The following PCDHA2 variants were observed in gnomAD, a reference collection of about 807,000 sequenced individuals.
PCDHA2 encodes the protein protocadherin alpha-2.
A neutral mutation model predicts 66.0 loss-of-function variants in PCDHA2; 58 were observed. That is an observed-to-expected ratio of 0.88 (90% CI 0.71 to 1.09). PCDHA2 has a LOEUF of 1.09. Ranked by LOEUF, PCDHA2 falls within the 50% of genes least tolerant of loss-of-function variation. PCDHA2 has a pLI of 0.00. For synonymous variants in PCDHA2, 634 were observed against 554.0 expected, an observed-to-expected ratio of 1.14 and a Z score of -2.03; for missense variants, 1,267 against 1,242.3, an observed-to-expected ratio of 1.02 and a Z score of -0.30.
At chr5:140,849,820 C>A (rs2150451868) in intron 1 of PCDHA2, 1 of 1,598,424 alleles carries the variant, frequency 6.3e-7, no homozygotes, top group South Asian at 1.1e-5. Context: ...GCCAGGGTGT[C>A]TGTGGAGGTG....
intron 1 of PCDHA2, among the ~76,000 whole-genome samples, chr5:140,949,300 G>T (rs1373100269): frequency 1.3e-5 from 2 of 151,534 alleles, no homozygotes; most frequent in Non-Finnish European, 1.5e-5. Flanking sequence ...GTAATTGTTG[G>T]GTGTAATGAT....
Position 140,848,739 on chromosome 5 carries a change from G to A in PCDHA2, c.2388+51387G>A. On this transcript the variant is annotated intron_variant, in intron 1 of 3. Coordinates refer to ENST00000526136, the MANE Select transcript of PCDHA2 (RefSeq NM_018905.3). The stretch of plus-strand genomic sequence containing the variant: ...CCTTCTGGAGGTAAATCTGCAGAAT[G>A]GCATTTTGTTTGTGAATTCTCGGAT... The A allele has an allele frequency of 6.9e-6, 11 of 1,593,092 alleles. 1 individual carries two copies. The highest frequency in any genetic ancestry group is 9.5e-6 in the Non-Finnish European group (11 of 1,163,752).
At chr5:140,836,210 TG>T (rs1340323722) in intron 1 of PCDHA2, 1 of 1,613,654 alleles carries the variant, frequency 6.2e-7, no homozygotes, top group Admixed American at 1.7e-5. Context: ...GGCTTTCGTA[TG>T]AGTTGCAACC....
chr5:140,836,096 T>C (rs2150252750), intron 1 of PCDHA2: 1 of 1,613,590 alleles, frequency 6.2e-7, no homozygotes, highest in Non-Finnish European at 8.5e-7. Flanking sequence ...CTCGGGTGGG[T>C]GGCACTGGTG....
At chr5:140,963,523 A>T (rs2095769740) in intron 1 of PCDHA2, among the ~76,000 whole-genome samples, 1 of 152,218 alleles carries the variant, frequency 6.6e-6, no homozygotes. Flanking sequence ...CTCATAACAG[A>T]AGTCCCATTT....
intron 1 of PCDHA2, chr5:140,858,285 G>T: frequency 6.3e-7 from 1 of 1,597,520 alleles, no homozygotes; most frequent in Non-Finnish European, 8.6e-7. Flanking sequence ...GTGGGGAGCT[G>T]GTCTTACTCG....
intron 1 of PCDHA2, among the ~76,000 whole-genome samples, chr5:140,924,235 G>C (rs1320085802): frequency 6.6e-6 from 1 of 152,208 alleles, no homozygotes; most frequent in Non-Finnish European, 1.5e-5. Flanking sequence ...TTTATGGGCT[G>C]TTTTGCATCC....
At chr5:140,916,252 G>A (rs2077495466) in intron 1 of PCDHA2, among the ~76,000 whole-genome samples, 1 of 152,176 alleles carries the variant, frequency 6.6e-6, no homozygotes, top group Admixed American at 6.5e-5. Flanking sequence ...TGGACTTGGG[G>A]ACCCCAAGAG....
In PCDHA2 at chr5:140,950,041, A is replaced by G. The variant is rs139296187; in HGVS notation, c.2389-28908A>G. Among the ~76,000 whole-genome samples, 1,151 of 152,070 alleles carry G rather than the reference A, an allele frequency of 7.6e-3. 13 individuals carry two copies. The highest frequency in any genetic ancestry group is 0.01 in the Non-Finnish European group (711 of 67,812). On this transcript the variant is annotated intron_variant, in intron 1 of 3. Transcript: ENST00000526136. ...CATAAAATATAGAAAAGTTACAACC[A>G]TATAAGACTATTTAGCTCTTCCTGT... is the stretch of plus-strand genomic sequence containing the variant.
chr5:140,851,102 G>T (rs1439831567), intron 1 of PCDHA2: 1 of 1,288,512 alleles, frequency 7.8e-7, no homozygotes, highest in Non-Finnish European at 1.0e-6. Context: ...ATATTTTTTG[G>T]GTGCTGAATC....
chr5:140,856,231 C>G, intron 1 of PCDHA2: 1 of 1,597,900 alleles, frequency 6.3e-7, no homozygotes. Flanking sequence ...TGGTGCAGCG[C>G]CTGTTCCGGG....
chr5:140,915,389 G>T (rs1382922139), intron 1 of PCDHA2, among the ~76,000 whole-genome samples: 5 of 152,078 alleles, frequency 3.3e-5, no homozygotes, highest in African/African-American at 4.8e-5. Context: ...TGAAGAGCTA[G>T]GTATTTCTTA....
intron 1 of PCDHA2, chr5:140,841,151 T>C (rs1777047208): frequency 1.2e-6 from 1 of 800,306 alleles, no homozygotes; most frequent in Admixed American, 3.0e-5. Flanking sequence ...GATGTCGCTG[T>C]CTACCAAGAA....
chr5:140,924,910 AT>A (rs1554202346), intron 1 of PCDHA2, among the ~76,000 whole-genome samples: 33 of 63,422 alleles, frequency 5.2e-4, no homozygotes, highest in African/African-American at 1.8e-3. Context: ...AAAAAATAAA[AT>A]AAAATAAAAT....
At chr5:140,904,818 G>A (rs1186696681) in intron 1 of PCDHA2, among the ~76,000 whole-genome samples, 1 of 152,070 alleles carries the variant, frequency 6.6e-6, no homozygotes, top group Non-Finnish European at 1.5e-5. Flanking sequence ...GTGATGTTGA[G>A]CATTTTTTTA....
intron 1 of PCDHA2, among the ~76,000 whole-genome samples, chr5:140,817,959 T>G (rs1302606162): frequency 6.6e-6 from 1 of 152,216 alleles, no homozygotes; most frequent in Non-Finnish European, 1.5e-5. Context: ...TCAATTAGTG[T>G]GTCTTTTTTT....
Position 140,808,403 on chromosome 5 carries a change from T to C in PCDHA2, c.2388+11051T>C, listed in dbSNP as rs1190545218. On this transcript the variant is annotated intron_variant, in intron 1 of 3. Coordinates refer to ENST00000526136, the MANE Select transcript of PCDHA2 (RefSeq NM_018905.3). ...GGTGTCCACCTTCAAGAATTACTAC[T>C]CGTTGGTGCTGGACAGTGCCCTGGA... 5 of 1,614,036 alleles carry C rather than the reference T, an allele frequency of 3.1e-6. No homozygotes were observed. Among genetic ancestry groups the C allele is most frequent in the Non-Finnish European group, 4.2e-6 (5 of 1,180,052 alleles).
intron 1 of PCDHA2, among the ~76,000 whole-genome samples, chr5:140,978,436 G>A (rs190191755): frequency 6.6e-6 from 1 of 152,348 alleles, no homozygotes; most frequent in East Asian, 1.9e-4. Flanking sequence ...AGTTGCTGGT[G>A]TTATGACTGG....
intron 1 of PCDHA2, chr5:140,841,428 C>T (rs2150315251): frequency 3.7e-6 from 6 of 1,612,842 alleles, no homozygotes; most frequent in Admixed American, 1.7e-5. Context: ...TACTCCGTCC[C>T]CGAGGAGGCC....
Sources: gnomAD v4.1 joint callset for allele counts (sites outside exome capture counted in the v4.1 genomes callset) on GRCh38, gnomAD v4.1.1 for gene constraint, MANE v1.5 for transcripts, NCBI Gene and HGNC (gene_info 2026-07-23, HGNC 2026-07-21) for gene names.